The following RBFOX1 variants were observed in gnomAD, a reference collection of about 807,000 sequenced individuals.
The protein encoded by RBFOX1 is RNA binding fox-1 homolog 1.
In RBFOX1, 8 loss-of-function variants were observed where a neutral mutation model predicts 57.7. That is an observed-to-expected ratio of 0.14 (90% CI 0.08 to 0.25). The LOEUF (loss-of-function observed/expected upper bound fraction) is 0.25, where lower values mean the gene tolerates loss of function less well. RBFOX1 is among the 10% of genes least tolerant of loss of function. The pLI is 1.00. For missense variants in RBFOX1, 611 were observed against 548.5 expected, an observed-to-expected ratio of 1.11 and a Z score of -1.14; for synonymous variants, 326 against 222.4, an observed-to-expected ratio of 1.47 and a Z score of -4.15.
intron 3 of RBFOX1, among the ~76,000 whole-genome samples, chr16:5,783,717 A>G (rs190216655): frequency 6.6e-6 from 1 of 152,336 alleles, no homozygotes; most frequent in Non-Finnish European, 1.5e-5. Context: ...GGTTGTCTAA[A>G]ATTCCAGCCT....
At chr16:6,586,690 C>T (rs924950236) in intron 2 of RBFOX1, among the ~76,000 whole-genome samples, 13 of 152,126 alleles carry the variant, frequency 8.5e-5, no homozygotes, top group East Asian at 3.9e-4. Context: ...AGCAGGGATA[C>T]GCTTACATCA....
chr16:6,665,330 G>T (rs757135482), intron 3 of RBFOX1, among the ~76,000 whole-genome samples: 1 of 152,180 alleles, frequency 6.6e-6, no homozygotes, highest in Non-Finnish European at 1.5e-5. Flanking sequence ...AATGAGGGAG[G>T]GGGCTGGGCA....
intron 15 of RBFOX1, 123 bp downstream of exon 15, chr16:7,709,254 C>A: frequency 9.4e-7 from 1 of 1,059,762 alleles, no homozygotes; most frequent in Non-Finnish European, 1.4e-6. Flanking sequence ...CTTGTGCTAA[C>A]AGCAGCTAAA....
intron 3 of RBFOX1, among the ~76,000 whole-genome samples, chr16:6,911,635 G>T (rs1042925794): frequency 3.3e-5 from 5 of 152,102 alleles, no homozygotes; most frequent in African/African-American, 9.7e-5. Context: ...AGATCCTAAG[G>T]GGTTGGGCTT....
intron 10 of RBFOX1, among the ~76,000 whole-genome samples, chr16:7,627,237 C>G (rs1274239804): frequency 6.7e-6 from 1 of 148,268 alleles, no homozygotes; most frequent in East Asian, 2.0e-4. Flanking sequence ...ACTCTAAGAG[C>G]AGGAACAGCA....
At chr16:5,716,468 C>T (rs2051703293) in intron 3 of RBFOX1, among the ~76,000 whole-genome samples, 1 of 152,228 alleles carries the variant, frequency 6.6e-6, no homozygotes, top group Non-Finnish European at 1.5e-5. Flanking sequence ...CTCAGCTTCG[C>T]TGATGATTAG....
intron 4 of RBFOX1, among the ~76,000 whole-genome samples, chr16:5,920,774 G>A (rs1353666192): frequency 6.6e-6 from 1 of 152,172 alleles, no homozygotes; most frequent in African/African-American, 2.4e-5. Flanking sequence ...TCCTTCAGGA[G>A]GACCTGGGTG....
intron 1 of RBFOX1, among the ~76,000 whole-genome samples, chr16:6,248,461 G>C (rs927744582): frequency 1.3e-5 from 2 of 152,114 alleles, no homozygotes; most frequent in African/African-American, 4.8e-5. Flanking sequence ...GCTTTATGTA[G>C]TCACAGCTAC....
intron 4 of RBFOX1, among the ~76,000 whole-genome samples, chr16:7,317,706 C>T (rs192787190): frequency 7.2e-5 from 11 of 152,286 alleles, no homozygotes; most frequent in Admixed American, 3.3e-4. Context: ...AGTGCATTCA[C>T]GGGAATGTGA....
chr16:6,697,012 A>G (rs1258816009), intron 3 of RBFOX1, among the ~76,000 whole-genome samples: 1 of 152,196 alleles, frequency 6.6e-6, no homozygotes, highest in Non-Finnish European at 1.5e-5. Context: ...AAAAACTTCC[A>G]TAAAGAAAAG....
intron 4 of RBFOX1, among the ~76,000 whole-genome samples, chr16:7,265,147 C>T (rs1299316031): frequency 2.0e-5 from 3 of 152,174 alleles, no homozygotes; most frequent in Non-Finnish European, 4.4e-5. Context: ...ACTAAGGGTG[C>T]AGTGGTTATC....
chr16:7,476,954 A>G (rs77286446), intron 4 of RBFOX1, among the ~76,000 whole-genome samples: 1 of 152,164 alleles, frequency 6.6e-6, no homozygotes, highest in African/African-American at 2.4e-5. Flanking sequence ...TCACCCCTCC[A>G]TCATAGTGCA....
At chr16:5,929,912 G>C (rs1006570704) in intron 4 of RBFOX1, among the ~76,000 whole-genome samples, 2 of 150,002 alleles carry the variant, frequency 1.3e-5, no homozygotes, top group Non-Finnish European at 3.0e-5. Flanking sequence ...GGTGGGGAGG[G>C]TGGGAAATTG....
upstream of RBFOX1, among the ~76,000 whole-genome samples, chr16:6,016,114 G>A (rs2152342872): frequency 6.6e-6 from 1 of 152,340 alleles, no homozygotes; most frequent in Non-Finnish European, 1.5e-5. Context: ...TGTGGCTGGT[G>A]CTGTGCATCA....
At chr16:5,614,265 C>G (rs2047936478) in intron 3 of RBFOX1, among the ~76,000 whole-genome samples, 2 of 152,102 alleles carry the variant, frequency 1.3e-5, no homozygotes, top group South Asian at 4.2e-4. Context: ...CAAATTTGCA[C>G]ATGGACTAAA....
At chr16:6,769,887 A>G (rs2078010832) in intron 3 of RBFOX1, among the ~76,000 whole-genome samples, 3 of 152,222 alleles carry the variant, frequency 2.0e-5, no homozygotes, top group Admixed American at 6.5e-5. Flanking sequence ...ATTTGAAATC[A>G]AAGTTCAGAT....
chr16:5,693,234 C>G (rs960661835), intron 3 of RBFOX1, among the ~76,000 whole-genome samples: 2 of 152,068 alleles, frequency 1.3e-5, no homozygotes, highest in African/African-American at 2.4e-5. Flanking sequence ...CCTGACCTAA[C>G]TTCATAAGTA....
intron 4 of RBFOX1, among the ~76,000 whole-genome samples, chr16:7,232,672 T>C (rs1214635233): frequency 2.0e-5 from 3 of 151,882 alleles, no homozygotes; most frequent in African/African-American, 7.3e-5. Context: ...AGAAACCCTG[T>C]CTCTACTAAA....
intron 2 of RBFOX1, chr16:6,483,838 G>A (rs2095415658): frequency 2.4e-6 from 3 of 1,237,172 alleles, no homozygotes; most frequent in Non-Finnish European, 2.0e-6. Flanking sequence ...AGGGGACTTG[G>A]CCGTGGATGG....
Sources: gnomAD v4.1 joint callset for allele counts (sites outside exome capture counted in the v4.1 genomes callset) on GRCh38, gnomAD v4.1.1 for gene constraint, MANE v1.5 for transcripts, NCBI Gene and HGNC (gene_info 2026-07-23, HGNC 2026-07-21) for gene names.